The following NDRG3 variants were observed in gnomAD, a reference collection of about 807,000 sequenced individuals.
NDRG3 encodes NDRG family member 3.
In NDRG3, 23 loss-of-function variants were observed where a neutral mutation model predicts 57.2. The observed-to-expected ratio is 0.40, with a 90% CI of 0.29 to 0.57. The LOEUF is 0.57. NDRG3 is among the 20% of genes least tolerant of loss of function. NDRG3 has a pLI of 0.42. For missense variants in NDRG3, 384 were observed against 457.3 expected (o/e 0.84, Z 1.46); for synonymous variants, 132 against 162.6 (o/e 0.81, Z 1.43).
At chr20:36,673,254 T>C (rs1221427132) in intron 8 of NDRG3, among the ~76,000 whole-genome samples, 3 of 152,112 alleles carry the variant, frequency 2.0e-5, no homozygotes, top group Non-Finnish European at 4.4e-5. Flanking sequence ...AAGAAATACC[T>C]CATTTCTCCA....
intron 8 of NDRG3, among the ~76,000 whole-genome samples, chr20:36,673,468 G>A (rs1404033786): frequency 6.6e-6 from 1 of 151,946 alleles, no homozygotes; most frequent in East Asian, 1.9e-4. Flanking sequence ...GTGAAGTGGT[G>A]CAATCCAGGG....
chr20:36,680,501 T>A lies in NDRG3; in HGVS notation c.531+315A>T, dbSNP rs901081494. On this transcript the variant is annotated intron_variant, in intron 8 of 15. Transcript: ENST00000349004. The stretch of plus-strand genomic sequence containing the variant: ...CTCCATCTCAAAAAAAAAAAAAAAA[T>A]ACAGTTTCTATGATTCCAATTTAAC... 6.7e-4 allele frequency among the ~76,000 whole-genome samples: 93 copies of A among 138,208 alleles called. 1 individual carries two copies. The East Asian group carries it at 0.019, about 29-fold the overall frequency. The allele number at this position is 138,208 out of a possible 152,430, so 90.7% of individuals were successfully genotyped here.
At chr20:36,681,329 T>TA (rs1378312881) in intron 7 of NDRG3, among the ~76,000 whole-genome samples, 2 of 150,922 alleles carry the variant, frequency 1.3e-5, no homozygotes, top group African/African-American at 2.4e-5. Context: ...GAGGACGTAT[T>TA]AAAAAAAAAT....
At chr20:36,679,037 A>AC (rs1981010630) in intron 8 of NDRG3, among the ~76,000 whole-genome samples, 1 of 152,070 alleles carries the variant, frequency 6.6e-6, no homozygotes, top group South Asian at 2.1e-4. Flanking sequence ...CGCAACCTCC[A>AC]CCTCCTGGGT....
rs1209865258 is a variant in NDRG3, at chr20:36,660,369, G to A, written c.826C>T (p.Arg276Cys). ...AAAGTTGTATTTATAGGGTTCAGGC[G>A]GGAATTGCATTCGACCTAAAATTTA... ...AVEAVVECNS[R>C]LNPINTTLLK... Residue 276 changes from arginine (R) to cysteine (C), a missense_variant, in exon 13 of 16, where the codon CGC becomes TGC. Coordinates refer to ENST00000349004, the MANE Select transcript of NDRG3 (RefSeq NM_032013.4). The A allele has an allele frequency of 8.7e-6, 14 of 1,607,990 alleles. No homozygotes were observed. The highest frequency in any genetic ancestry group is 1.1e-5 in the Non-Finnish European group (13 of 1,176,274).
At chr20:36,666,264 G>T in intron 10 of NDRG3, 25 bp downstream of exon 10, 1 of 1,537,670 alleles carries the variant, frequency 6.5e-7, no homozygotes, top group Non-Finnish European at 9.0e-7. Flanking sequence ...TTACATTTAA[G>T]TGAAGAAACA....
chr20:36,652,077 T>A lies in NDRG3; in HGVS notation c.*1443A>T, dbSNP rs1369822524. ...ACCTGGACAGGGCTACCCCTACAGA[T>A]TGGCCCTTTCTCTCCTACAAAAGGG... On this transcript the variant is annotated 3_prime_UTR_variant, in exon 16 of 16. Coordinates refer to ENST00000349004, the MANE Select transcript of NDRG3 (RefSeq NM_032013.4). 6.6e-6 allele frequency: 1 copy of A among 152,154 alleles called. No individual in the cohort carries two copies. Among genetic ancestry groups the A allele is most frequent in the African/African-American group, 2.4e-5 (1 of 41,432 alleles). 9.4% of individuals were successfully genotyped at this position (152,154 alleles called of 1,614,324 possible). A position where few individuals can be genotyped will look rare whatever the true frequency, so the allele number is the denominator to read the frequency against.
rs1391165910 is a variant in NDRG3, at chr20:36,652,649, ATGTGGATG to A, written c.*863_*870del. Reference sequence around the variant, plus strand: ...GACCTAAGAGGCACTTCTTGTGGATATGTGGATGTCTGGTATCAGATACTGCAGCGACA... The same window carrying A: ...GACCTAAGAGGCACTTCTTGTGGATATCTGGTATCAGATACTGCAGCGACA... On this transcript the variant is annotated 3_prime_UTR_variant, in exon 16 of 16. Coordinates refer to ENST00000349004, the MANE Select transcript of NDRG3 (RefSeq NM_032013.4). 6.6e-6 allele frequency: 1 copy of A among 151,970 alleles called. No homozygotes were observed. Among genetic ancestry groups the A allele is most frequent in the African/African-American group, 2.4e-5 (1 of 41,332 alleles). The allele number at this position is 151,970 out of a possible 1,614,324, so 9.4% of individuals were successfully genotyped here.
chr20:36,720,065 C>A (rs1443813427), intron 2 of NDRG3, among the ~76,000 whole-genome samples: 2 of 150,764 alleles, frequency 1.3e-5, no homozygotes, highest in African/African-American at 4.9e-5. Flanking sequence ...CGAGATTGTA[C>A]CACTGCACTC....
Position 36,682,537 on chromosome 20 carries a change from T to A in NDRG3, c.425A>T (p.Tyr142Phe). The change falls in exon 7 of 16, where the codon TAC (tyrosine) becomes TTC (phenylalanine). Residue 142 changes from tyrosine (Y) to phenylalanine (F), a missense_variant. Tyr to Phe is a conservative substitution (Grantham distance 22). Coordinates refer to ENST00000349004, the MANE Select transcript of NDRG3 (RefSeq NM_032013.4). ...IIGIGVGAGAYILSRFALNHP... is the reference protein window; with the variant it reads ...IIGIGVGAGAFILSRFALNHP... ...ACTTACTGCAAATCTGCTGAGGATGTAAGCTCCAGCTCCAACTCCAATTCC... is the reference window on the plus strand; with the variant it reads ...ACTTACTGCAAATCTGCTGAGGATGAAAGCTCCAGCTCCAACTCCAATTCC... 6.2e-7 allele frequency: 1 copy of A among 1,614,058 alleles called. No individual in the cohort carries two copies. The highest frequency in any genetic ancestry group is 8.5e-7 in the Non-Finnish European group (1 of 1,179,924).
chr20:36,652,669 A>T lies in NDRG3; in HGVS notation c.*851T>A, dbSNP rs1978326596. The T allele has an allele frequency of 6.6e-6, 1 of 152,166 alleles. No individual in the cohort carries two copies. Among genetic ancestry groups the T allele is most frequent in the Admixed American group, 6.6e-5 (1 of 15,258 alleles). The allele number at this position is 152,166 out of a possible 1,614,324, so 9.4% of individuals were successfully genotyped here. ...TGGATATGTGGATGTCTGGTATCAG[A>T]TACTGCAGCGACAGCAGTTTTGCTC... On this transcript the variant is annotated 3_prime_UTR_variant, in exon 16 of 16. Transcript: ENST00000349004.
At chr20:36,716,280 C>T (rs1002585685) in intron 2 of NDRG3, among the ~76,000 whole-genome samples, 7 of 151,958 alleles carry the variant, frequency 4.6e-5, no homozygotes, top group African/African-American at 1.7e-4. Context: ...TGCCTGTAAT[C>T]CCAGCACTTT....
intron 12 of NDRG3, among the ~76,000 whole-genome samples, chr20:36,660,889 A>G (rs577942792): frequency 3.9e-5 from 6 of 152,296 alleles, no homozygotes; most frequent in Non-Finnish European, 7.4e-5. Context: ...ATATACTTTG[A>G]TATTTCTGAG....
Position 36,732,425 on chromosome 20 carries a change from C to G in NDRG3, c.-48-10642G>C, listed in dbSNP as rs183922517. 4.6e-5 allele frequency among the ~76,000 whole-genome samples: 7 copies of G among 152,276 alleles called. No individual in the cohort carries two copies. In the East Asian group the frequency reaches 1.4e-3, roughly 29 times the overall value. ...GACACCCAGAGACGCATGGATTCTT[C>G]CAGTAATGGAAAGAGCATGTAAGCA... On this transcript the variant is annotated intron_variant, in intron 1 of 15. Coordinates refer to ENST00000349004, the MANE Select transcript of NDRG3 (RefSeq NM_032013.4).
chr20:36,735,058 A>G (rs189714325), intron 1 of NDRG3, among the ~76,000 whole-genome samples: 1 of 152,324 alleles, frequency 6.6e-6, no homozygotes, highest in Admixed American at 6.5e-5. Context: ...GGTCTGCTGG[A>G]AATAGGAAAT....
At position 36,684,429 on chromosome 20, in the gene NDRG3, C is replaced by G; in HGVS notation, c.367G>C (p.Val123Leu). 4 of 1,614,028 alleles carry G rather than the reference C, an allele frequency of 2.5e-6. No homozygotes were observed. Among genetic ancestry groups the G allele is most frequent in the East Asian group, 2.2e-5 (1 of 44,888 alleles). The change falls in exon 6 of 16, where the codon GTT (valine) becomes CTT (leucine). Residue 123 changes from valine to leucine, a missense_variant. Transcript: ENST00000349004. ...MDELAEMLPP[V>L]LTHLSLKSII... Reference sequence around the variant, plus strand: ...TGAACCTACCTTAGGTGGGTAAGAACAGGAGGCAGCATTTCAGCCAGCTCA... The same window carrying G: ...TGAACCTACCTTAGGTGGGTAAGAAGAGGAGGCAGCATTTCAGCCAGCTCA...
intron 2 of NDRG3, among the ~76,000 whole-genome samples, chr20:36,715,031 TA>T (rs1984180398): frequency 8.5e-6 from 1 of 118,194 alleles, no homozygotes; most frequent in Admixed American, 8.5e-5. Flanking sequence ...TATATATATA[TA>T]TATATATATA....
chr20:36,739,632 CCT>C (rs1476942923), intron 1 of NDRG3, among the ~76,000 whole-genome samples: 2 of 150,348 alleles, frequency 1.3e-5, no homozygotes, highest in African/African-American at 4.9e-5. Context: ...ACAGTGAAAC[CCT>C]GTCTCGGCCG....
chr20:36,675,911 CA>C (rs1318495853), intron 8 of NDRG3, among the ~76,000 whole-genome samples: 1 of 151,926 alleles, frequency 6.6e-6, no homozygotes, highest in African/African-American at 2.4e-5. Flanking sequence ...ACATTTACGG[CA>C]ATGTAAAAGT....
Sources: allele counts gnomAD v4.1 joint callset (sites outside exome capture counted in the v4.1 genomes callset), GRCh38; gene constraint gnomAD v4.1.1; transcripts MANE v1.5; gene names NCBI Gene and HGNC (gene_info 2026-07-23, HGNC 2026-07-21).